The following DCHS2 variants were observed in gnomAD, a reference collection of about 807,000 sequenced individuals.
DCHS2 encodes dachsous cadherin-related 2, also known as protocadherin-23.
Under a neutral mutation model 182.4 loss-of-function variants are expected in DCHS2, and 142 were observed. That is an observed-to-expected ratio of 0.78 (90% confidence interval 0.68 to 0.89). The LOEUF (loss-of-function observed/expected upper bound fraction) is 0.89, where lower values mean the gene tolerates loss of function less well. Ranked by LOEUF, DCHS2 falls within the 40% of genes least tolerant of loss-of-function variation. The pLI, the probability that DCHS2 is intolerant of heterozygous loss-of-function variation, is 0.00. For missense variants in DCHS2, 4,319 were observed against 4,198.6 expected, an observed-to-expected ratio of 1.03 and a Z score of -0.79; for synonymous variants, 1,740 against 1,663.3, an observed-to-expected ratio of 1.05 and a Z score of -1.12.
intron 1 of DCHS2, among the ~76,000 whole-genome samples, chr4:154,383,682 G>A (rs560653329): frequency 1.8e-4 from 27 of 151,916 alleles, no homozygotes; most frequent in Non-Finnish European, 3.5e-4. Flanking sequence ...CAGGATAATA[G>A]GGCTTCCTCC....
chr4:154,307,653 C>T (rs945977557), intron 10 of DCHS2, among the ~76,000 whole-genome samples: 4 of 152,198 alleles, frequency 2.6e-5, no homozygotes. Flanking sequence ...AAAGCTTCAG[C>T]CTGGGATCAT....
chr4:154,435,709 CA>C (rs376143228), intron 1 of DCHS2, among the ~76,000 whole-genome samples: 5 of 152,012 alleles, frequency 3.3e-5, no homozygotes, highest in African/African-American at 1.2e-4. Flanking sequence ...TACCTCCTAA[CA>C]AAATAATCCA....
At chr4:154,377,183 C>G in intron 2 of DCHS2, 70 bp downstream of exon 2, 1 of 1,431,512 alleles carries the variant, frequency 7.0e-7, no homozygotes, top group South Asian at 1.3e-5. Context: ...CATCATTGGT[C>G]CTCTGTGATG....
At chr4:154,470,232 C>T (rs1735403563) in intron 1 of DCHS2, among the ~76,000 whole-genome samples, 1 of 152,122 alleles carries the variant, frequency 6.6e-6, no homozygotes, top group Non-Finnish European at 1.5e-5. Flanking sequence ...AATTCCAGCA[C>T]TTTGGGAGGC....
intron 10 of DCHS2, among the ~76,000 whole-genome samples, chr4:154,312,615 G>A (rs1309948245): frequency 2.0e-5 from 3 of 152,090 alleles, no homozygotes; most frequent in Non-Finnish European, 2.9e-5. Flanking sequence ...AATGAAGTAC[G>A]GAGGAAAGTT....
At position 154,329,505 on chromosome 4, in the gene DCHS2, CAAGGTTTCTTCACA is replaced by C. The variant is rs774546468; in HGVS notation, c.3918+4_3918+17del. 5 of 1,605,002 alleles carry C rather than the reference CAAGGTTTCTTCACA, an allele frequency of 3.1e-6. No homozygotes were observed. In the South Asian group the frequency reaches 5.5e-5, roughly 18 times the overall value. On this transcript the variant is annotated splice_donor_5th_base_variant and intron_variant, in intron 6 of 19. Coordinates refer to ENST00000357232, the MANE Select transcript of DCHS2 (RefSeq NM_001358235.2). ...GACTTAAGATATTACAAATTCATTG[CAAGGTTTCTTCACA>C]AACCTTCACGTGTAACTCCTTTCCA... is the stretch of plus-strand genomic sequence containing the variant.
At chr4:154,407,545 A>T (rs1560739792) in intron 1 of DCHS2, among the ~76,000 whole-genome samples, 1 of 152,122 alleles carries the variant, frequency 6.6e-6, no homozygotes, top group South Asian at 2.1e-4. Flanking sequence ...AAATCCCAGG[A>T]CTGCTCTGCC....
intron 13 of DCHS2, among the ~76,000 whole-genome samples, chr4:154,282,821 T>C (rs1412985743): frequency 6.6e-6 from 1 of 152,160 alleles, no homozygotes; most frequent in Non-Finnish European, 1.5e-5. Flanking sequence ...ACGTAGTATA[T>C]ACATTCAATG....
intron 10 of DCHS2, among the ~76,000 whole-genome samples, chr4:154,307,448 C>G (rs1735489799): frequency 6.6e-6 from 1 of 151,880 alleles, no homozygotes; most frequent in East Asian, 1.9e-4. Context: ...CGCGCACACA[C>G]ACACACACAC....
intron 1 of DCHS2, among the ~76,000 whole-genome samples, chr4:154,422,707 T>G (rs377040146): frequency 3.3e-5 from 5 of 152,242 alleles, no homozygotes; most frequent in African/African-American, 1.2e-4. Context: ...CCAGGCTTGC[T>G]CATGATGCTC....
intron 14 of DCHS2, among the ~76,000 whole-genome samples, chr4:154,265,852 T>C (rs998934316): frequency 3.9e-5 from 6 of 152,102 alleles, no homozygotes; most frequent in African/African-American, 9.7e-5. Context: ...AGTTCCCCCT[T>C]CCCTGTGGGG....
At chr4:154,247,635 C>CAAAAAAAAAAAAAAAAAAAAAA (rs67157369) in intron 16 of DCHS2, among the ~76,000 whole-genome samples, 2 of 100,140 alleles carry the variant, frequency 2.0e-5, no homozygotes, top group African/African-American at 8.1e-5. Flanking sequence ...GACTCCGTCT[C>CAAAAAAAAAAAAAAAAAAAAAA]AAAAAAAAAA....
chr4:154,252,351 T>C (rs932154005), intron 16 of DCHS2, among the ~76,000 whole-genome samples: 3 of 152,164 alleles, frequency 2.0e-5, no homozygotes, highest in African/African-American at 7.2e-5. Context: ...AATTATAATC[T>C]TTTTGTTATT....
intron 13 of DCHS2, among the ~76,000 whole-genome samples, chr4:154,275,217 A>C (rs770955882): frequency 1.4e-4 from 21 of 152,086 alleles, no homozygotes; most frequent in Non-Finnish European, 2.8e-4. Context: ...CAAAACTGAA[A>C]CTTCAGTGAA....
chr4:154,395,121 C>T (rs1052680608), intron 1 of DCHS2, among the ~76,000 whole-genome samples: 1 of 152,162 alleles, frequency 6.6e-6, no homozygotes, highest in Admixed American at 6.6e-5. Context: ...AAGCTCCTAA[C>T]ACAATGCTTA....
chr4:154,322,776 C>A, intron 7 of DCHS2: 1 of 309,890 alleles, frequency 3.2e-6, no homozygotes, highest in Non-Finnish European at 5.9e-6. Context: ...TCATCTATTC[C>A]CCATGTATAT....
Position 154,233,002 on chromosome 4 carries a change from A to C in DCHS2, c.*1534T>G, listed in dbSNP as rs184812091. 1 of 152,318 alleles carries C rather than the reference A, an allele frequency of 6.6e-6. No individual in the cohort carries two copies. Among genetic ancestry groups the C allele is most frequent in the Non-Finnish European group, 1.5e-5 (1 of 68,018 alleles). The allele number at this position is 152,318 out of a possible 1,614,324, so 9.4% of individuals were successfully genotyped here. On this transcript the variant is annotated 3_prime_UTR_variant, in exon 20 of 20. Transcript: ENST00000357232. ...ACTTATCTACAAAACCAGACATCAA[A>C]CACTGCACCTTGCAATATTTTTTAG...
At chr4:154,465,769 G>A (rs939904309) in intron 1 of DCHS2, among the ~76,000 whole-genome samples, 3 of 152,248 alleles carry the variant, frequency 2.0e-5, no homozygotes, top group Admixed American at 2.0e-4. Flanking sequence ...AATACACAAG[G>A]ATTGATGTCG....
At chr4:154,450,731 GC>G (rs1734496345) in intron 1 of DCHS2, among the ~76,000 whole-genome samples, 1 of 152,138 alleles carries the variant, frequency 6.6e-6, no homozygotes, top group Non-Finnish European at 1.5e-5. Flanking sequence ...TACTTGGGAG[GC>G]TGAGGCAGTA....
Sources: allele counts gnomAD v4.1 joint callset (sites outside exome capture counted in the v4.1 genomes callset), GRCh38; gene constraint gnomAD v4.1.1; transcripts MANE v1.5; gene names NCBI Gene and HGNC (gene_info 2026-07-23, HGNC 2026-07-21).